Variants in EMSY observed in about 807,000 individuals in gnomAD.
The protein encoded by EMSY is BRCA2-interacting transcriptional repressor EMSY.
Under a neutral mutation model 134.6 loss-of-function variants are expected in EMSY, and 26 were observed. That is an observed-to-expected ratio of 0.19 (90% CI 0.14 to 0.27). EMSY has a LOEUF of 0.27. Among genes scored for constraint, EMSY ranks in the 10% least tolerant of loss-of-function variants. EMSY has a pLI of 1.00. For synonymous variants in EMSY, 579 were observed against 577.8 expected, an observed-to-expected ratio of 1.00 and a Z score of -0.03; for missense variants, 1,305 against 1,611.4, an observed-to-expected ratio of 0.81 and a Z score of 3.26.
chr11:76,536,144 T>G, intron 15 of EMSY, 85 bp downstream of exon 16: 1 of 846,838 alleles, frequency 1.2e-6, no homozygotes, highest in African/African-American at 1.8e-5. Context: ...TATTATTTAT[T>G]ATTACTATTA....
chr11:76,450,783 A>C (rs7123914), intron 2 of EMSY, among the ~76,000 whole-genome samples: 2 of 149,058 alleles, frequency 1.3e-5, no homozygotes, highest in Non-Finnish European at 2.9e-5. Flanking sequence ...TGAGCCATGA[A>C]GCCTGGCCAG....
chr11:76,543,268 G>A (rs1019865129), intron 18 of EMSY, among the ~76,000 whole-genome samples: 2 of 152,226 alleles, frequency 1.3e-5, no homozygotes, highest in Admixed American at 6.5e-5. Flanking sequence ...AGGCAACGGA[G>A]AATGTTGAAT....
intron 8 of EMSY, among the ~76,000 whole-genome samples, chr11:76,485,877 T>A (rs537579576): frequency 9.9e-5 from 15 of 152,132 alleles, no homozygotes; most frequent in Non-Finnish European, 1.8e-4. Flanking sequence ...GAAATACCAT[T>A]TGACCCAGCA....
intron 4 of EMSY, among the ~76,000 whole-genome samples, chr11:76,456,596 T>C (rs1947882829): frequency 6.6e-6 from 1 of 152,214 alleles, no homozygotes. Flanking sequence ...TGTTTCTTTC[T>C]TGTTTGTACC....
intron 11 of EMSY, among the ~76,000 whole-genome samples, chr11:76,519,065 CTTT>C (rs149817617): frequency 3.7e-5 from 5 of 136,360 alleles, no homozygotes; most frequent in African/African-American, 2.7e-5. Context: ...TGATTCATAT[CTTT>C]TTTTTTTTTT....
chr11:76,451,276 TA>T (rs1330078011), intron 2 of EMSY, among the ~76,000 whole-genome samples: 2 of 152,206 alleles, frequency 1.3e-5, no homozygotes, highest in Middle Eastern at 6.3e-3. Context: ...GGAGGGTACC[TA>T]CAAAGTCCCT....
At chr11:76,523,265 G>C in exon 12 of EMSY, 3 of 1,613,294 alleles carry the variant, frequency 1.9e-6, no homozygotes, top group Non-Finnish European at 2.5e-6. Context: ...GGGCAAAAAT[G>C]TTGTCACAAC....
chr11:76,456,863 A>G (rs1384507861), intron 4 of EMSY, among the ~76,000 whole-genome samples: 2 of 152,168 alleles, frequency 1.3e-5, no homozygotes, highest in East Asian at 3.8e-4. Flanking sequence ...ATTCAACAGC[A>G]CTATCCAGTT....
Position 76,463,234 on chromosome 11 carries a change from A to G in EMSY, c.572-587A>G, listed in dbSNP as rs866986603. On this transcript the variant is annotated intron_variant, in intron 6 of 20. Coordinates refer to ENST00000334736, the Ensembl canonical transcript of EMSY. ...TGGGAGGCTGAGGCTGAGGCAGGAGAATCGCTTGAACCTGGGAGGCAGAGG... is the reference window on the plus strand; with the variant it reads ...TGGGAGGCTGAGGCTGAGGCAGGAGGATCGCTTGAACCTGGGAGGCAGAGG... Among the ~76,000 whole-genome samples, 4 of 151,762 alleles carry G rather than the reference A, an allele frequency of 2.6e-5. No individual in the cohort carries two copies. In the South Asian group the frequency reaches 8.3e-4, roughly 32 times the overall value.
At chr11:76,534,097 A>AT (rs1203406037) in intron 14 of EMSY, among the ~76,000 whole-genome samples, 1 of 152,066 alleles carries the variant, frequency 6.6e-6, no homozygotes, top group Non-Finnish European at 1.5e-5. Context: ...TCTTTGGTAG[A>AT]TGCTCTCCTA....
chr11:76,450,003 A>G (rs1222539128), intron 2 of EMSY, among the ~76,000 whole-genome samples: 1 of 151,528 alleles, frequency 6.6e-6, no homozygotes, highest in African/African-American at 2.4e-5. Context: ...ACTGGAAGTT[A>G]CTGGAATAAT....
chr11:76,468,829 G>A (rs1308384277), intron 7 of EMSY, among the ~76,000 whole-genome samples: 3 of 152,048 alleles, frequency 2.0e-5, no homozygotes, highest in Non-Finnish European at 2.9e-5. Flanking sequence ...GTGCTTGATT[G>A]ATATTTTTCA....
chr11:76,515,543 T>C (rs1950422926), intron 10 of EMSY, among the ~76,000 whole-genome samples: 1 of 152,180 alleles, frequency 6.6e-6, no homozygotes, highest in African/African-American at 2.4e-5. Flanking sequence ...GAGAAAATTT[T>C]AGGCTAAAGA....
chr11:76,523,197 C>G, exon 12 of EMSY: 1 of 1,613,670 alleles, frequency 6.2e-7, no homozygotes, highest in Non-Finnish European at 8.5e-7. Context: ...ACTTCCAAGC[C>G]CAACGTGATT....
intron 8 of EMSY, among the ~76,000 whole-genome samples, chr11:76,480,606 T>G (rs184069682): frequency 2.6e-3 from 394 of 152,236 alleles, no homozygotes; most frequent in African/African-American, 9.1e-3. Context: ...TAAAAATGCT[T>G]TCTTGGGGGA....
intron 20 of EMSY, chr11:76,547,129 A>G (rs1169861957): frequency 4.5e-6 from 2 of 448,706 alleles, no homozygotes; most frequent in Non-Finnish European, 8.9e-6. Context: ...GACATTTGTC[A>G]TTCTTTGCTA....
At chr11:76,469,327 T>C (rs2135294072) in intron 7 of EMSY, among the ~76,000 whole-genome samples, 1 of 152,306 alleles carries the variant, frequency 6.6e-6, no homozygotes, top group East Asian at 1.9e-4. Context: ...TTATAAGCAT[T>C]GTGCTCCAGG....
At chr11:76,521,301 G>A (rs1950628405) in intron 11 of EMSY, among the ~76,000 whole-genome samples, 1 of 152,120 alleles carries the variant, frequency 6.6e-6, no homozygotes, top group Non-Finnish European at 1.5e-5. Context: ...GAATGAAATG[G>A]GAAATTAGGG....
chr11:76,449,884 G>A (rs916460732), intron 2 of EMSY, among the ~76,000 whole-genome samples: 3 of 152,122 alleles, frequency 2.0e-5, no homozygotes, highest in African/African-American at 7.2e-5. Context: ...ATGATACCTT[G>A]TAGCAGTAAT....
Sources: allele counts gnomAD v4.1 joint callset (sites outside exome capture counted in the v4.1 genomes callset), GRCh38; gene constraint gnomAD v4.1.1; transcripts MANE v1.5; gene names NCBI Gene and HGNC (gene_info 2026-07-23, HGNC 2026-07-21).